The following COL24A1 variants were observed in gnomAD, a reference collection of about 807,000 sequenced individuals.
COL24A1 encodes collagen alpha-1(XXIV) chain.
In COL24A1, 224 loss-of-function variants were observed where a neutral mutation model predicts 253.9. That is an observed-to-expected ratio of 0.88 (90% CI 0.79 to 0.99). The LOEUF (loss-of-function observed/expected upper bound fraction) is 0.99, where lower values mean the gene tolerates loss of function less well. Ranked by LOEUF, COL24A1 falls within the 50% of genes least tolerant of loss-of-function variation. COL24A1 has a pLI of 0.00. For missense variants in COL24A1, 2,131 were observed against 2,068.5 expected, an observed-to-expected ratio of 1.03 and a Z score of -0.59; for synonymous variants, 685 against 673.7, an observed-to-expected ratio of 1.02 and a Z score of -0.26.
chr1:86,046,674 TTTG>T, intron 12 of COL24A1, 148 bp downstream of exon 12: 1 of 812,250 alleles, frequency 1.2e-6, no homozygotes, highest in Non-Finnish European at 2.0e-6. Flanking sequence ...TCAGGTATTA[TTTG>T]ATACACTATT....
chr1:86,012,757 A>G (rs1383245881), intron 19 of COL24A1, among the ~76,000 whole-genome samples: 1 of 152,178 alleles, frequency 6.6e-6, no homozygotes, highest in Non-Finnish European at 1.5e-5. Flanking sequence ...TGCTGCACTT[A>G]GAACCAAATC....
intron 47 of COL24A1, among the ~76,000 whole-genome samples, chr1:85,790,075 A>G (rs1424949610): frequency 1.3e-5 from 2 of 152,208 alleles, no homozygotes; most frequent in Non-Finnish European, 2.9e-5. Flanking sequence ...AAAATGAGTT[A>G]GGGAGGAGTC....
chr1:85,802,699 G>A (rs1483495955), intron 47 of COL24A1, among the ~76,000 whole-genome samples: 1 of 152,042 alleles, frequency 6.6e-6, no homozygotes, highest in East Asian at 1.9e-4. Flanking sequence ...ACCCCTAGAA[G>A]TTTTTCCTAT....
intron 47 of COL24A1, among the ~76,000 whole-genome samples, chr1:85,811,499 T>A (rs192450609): frequency 1.3e-5 from 2 of 152,326 alleles, no homozygotes; most frequent in Admixed American, 1.3e-4. Context: ...AATGTTTAAT[T>A]TTCTGAGGAA....
chr1:85,843,132 A>C (rs1423234188), intron 39 of COL24A1, among the ~76,000 whole-genome samples: 1 of 152,208 alleles, frequency 6.6e-6, no homozygotes, highest in Non-Finnish European at 1.5e-5. Context: ...ATTAAGGCAC[A>C]GAATAGGTAT....
chr1:85,795,908 C>G (rs1391020684), intron 47 of COL24A1, among the ~76,000 whole-genome samples: 1 of 151,922 alleles, frequency 6.6e-6, no homozygotes, highest in African/African-American at 2.4e-5. Context: ...AGGAATTTCT[C>G]GTTTTATTTG....
intron 57 of COL24A1, among the ~76,000 whole-genome samples, chr1:85,741,780 G>A (rs1028245191): frequency 3.9e-5 from 6 of 152,064 alleles, no homozygotes; most frequent in Non-Finnish European, 7.4e-5. Flanking sequence ...TATGTGCTTC[G>A]TTACTGGGAA....
chr1:86,122,111 G>C (rs1461512760), intron 3 of COL24A1, among the ~76,000 whole-genome samples: 1 of 151,906 alleles, frequency 6.6e-6, no homozygotes, highest in East Asian at 1.9e-4. Flanking sequence ...TCTACACTGC[G>C]CTGAAGTTAG....
At chr1:86,065,267 A>G (rs1701384228) in intron 7 of COL24A1, among the ~76,000 whole-genome samples, 2 of 152,148 alleles carry the variant, frequency 1.3e-5, no homozygotes, top group African/African-American at 4.8e-5. Context: ...GCCTAGCTAC[A>G]TGCTTGATTT....
At chr1:86,070,302 G>A (rs1412475172) in intron 7 of COL24A1, among the ~76,000 whole-genome samples, 1 of 151,958 alleles carries the variant, frequency 6.6e-6, no homozygotes, top group Non-Finnish European at 1.5e-5. Context: ...AAAGAAAACA[G>A]AATAAAAAAC....
At chr1:85,799,995 T>C (rs1441053284) in intron 47 of COL24A1, among the ~76,000 whole-genome samples, 1 of 152,222 alleles carries the variant, frequency 6.6e-6, no homozygotes, top group Non-Finnish European at 1.5e-5. Context: ...GCAATGAGCT[T>C]TCTGTACCAG....
At chr1:85,968,968 C>T (rs561455158) in intron 22 of COL24A1, among the ~76,000 whole-genome samples, 2 of 152,110 alleles carry the variant, frequency 1.3e-5, no homozygotes, top group South Asian at 4.1e-4. Flanking sequence ...AAAATAGGAA[C>T]GATATCTTGC....
chr1:86,082,888 A>T (rs576645919), intron 7 of COL24A1, among the ~76,000 whole-genome samples: 1 of 147,140 alleles, frequency 6.8e-6, no homozygotes, highest in Non-Finnish European at 1.5e-5. Context: ...CTGAAATCTT[A>T]AATGCTCCCA....
At chr1:86,020,116 G>A (rs1697380081) in intron 18 of COL24A1, among the ~76,000 whole-genome samples, 1 of 124,874 alleles carries the variant, frequency 8.0e-6, no homozygotes. Flanking sequence ...CGCTCAAGCT[G>A]GAGTCCAGTG....
At chr1:85,969,445 A>C (rs111512032) in intron 22 of COL24A1, among the ~76,000 whole-genome samples, 1,780 of 151,762 alleles carry the variant, frequency 0.012, 30 homozygotes, top group African/African-American at 0.04. Flanking sequence ...TCTCTACTAA[A>C]AATACAAAAA....
At chr1:85,851,928 T>C (rs1401781247) in intron 37 of COL24A1, among the ~76,000 whole-genome samples, 1 of 152,240 alleles carries the variant, frequency 6.6e-6, no homozygotes, top group African/African-American at 2.4e-5. Flanking sequence ...GTCAAAGTCA[T>C]TAATATTTTC....
At chr1:86,057,501 C>G (rs1022398544) in intron 10 of COL24A1, among the ~76,000 whole-genome samples, 3 of 152,104 alleles carry the variant, frequency 2.0e-5, no homozygotes, top group Non-Finnish European at 4.4e-5. Context: ...ATGGGATGTT[C>G]TGGATACAAT....
At chr1:85,911,924 TGAGGAAGA>T (rs1173753878) in intron 24 of COL24A1, among the ~76,000 whole-genome samples, 1 of 152,130 alleles carries the variant, frequency 6.6e-6, no homozygotes, top group Non-Finnish European at 1.5e-5. Context: ...ATTTCATTAC[TGAGGAAGA>T]CAAATCTAGA....
intron 52 of COL24A1, 87 bp from the exon 53 acceptor site, chr1:85,775,796 C>A: frequency 1.7e-6 from 2 of 1,153,860 alleles, no homozygotes; most frequent in Non-Finnish European, 1.3e-6. Context: ...AGAAACATGA[C>A]AATTTATATT....
Sources: allele counts gnomAD v4.1 joint callset (sites outside exome capture counted in the v4.1 genomes callset), GRCh38; gene constraint gnomAD v4.1.1; transcripts MANE v1.5; gene names NCBI Gene and HGNC (gene_info 2026-07-23, HGNC 2026-07-21).